The following FBXO8 variants were observed in gnomAD, a reference collection of about 807,000 sequenced individuals.
FBXO8 encodes F-box protein 8, also known as F-box only protein 8.
Under a neutral mutation model 33.4 loss-of-function variants are expected in FBXO8, and 15 were observed. That is an observed-to-expected ratio of 0.45 (90% confidence interval 0.30 to 0.69). The LOEUF (loss-of-function observed/expected upper bound fraction) is 0.69, where lower values mean the gene tolerates loss of function less well. Among genes scored for constraint, FBXO8 ranks in the 30% least tolerant of loss-of-function variants. The probability of loss-of-function intolerance (pLI) is 0.08; values close to 1 mark genes in which losing one functional copy is unlikely to be tolerated. For missense variants in FBXO8, 274 were observed against 380.3 expected (o/e 0.72, Z 2.32); for synonymous variants, 132 against 131.5 (o/e 1.00, Z -0.02).
chr4:174,242,759 A>G (rs548942993), intron 3 of FBXO8, among the ~76,000 whole-genome samples: 2 of 151,654 alleles, frequency 1.3e-5, no homozygotes, highest in East Asian at 3.9e-4. Flanking sequence ...TGCTTGTTCT[A>G]TCCTTTCCTC....
intron 4 of FBXO8, among the ~76,000 whole-genome samples, chr4:174,240,441 A>G (rs1418653824): frequency 6.6e-6 from 1 of 151,822 alleles, no homozygotes; most frequent in African/African-American, 2.4e-5. Context: ...GCCATACATT[A>G]CATTAGCACG....
At position 174,272,619 on chromosome 4, in the gene FBXO8, A is replaced by G. The variant is rs1736864167; in HGVS notation, c.-8-9519T>C. 6.6e-6 allele frequency among the ~76,000 whole-genome samples: 1 copy of G among 152,200 alleles called. No individual in the cohort carries two copies. Among genetic ancestry groups the G allele is most frequent in the South Asian group, 2.1e-4 (1 of 4,832 alleles). On this transcript the variant is annotated intron_variant, in intron 1 of 5. Coordinates refer to ENST00000393674, the MANE Select transcript of FBXO8 (RefSeq NM_012180.3). The surrounding 1 kb of genome is among the most constrained non-coding windows in gnomAD (Gnocchi z 4.7). ...TTTTTTAGAGTAGAATTCTAATTAA[A>G]GAAGATAGAAAGAATAATGTAGTTA...
At position 174,261,811 on chromosome 4, in the gene FBXO8, T is replaced by C. The variant is rs573898956; in HGVS notation, c.329+953A>G. ...TATTTTGACTAAAGTTTGTAATTTA[T>C]TAAGTCTCTCAATTAGATTTCTAGT... On this transcript the variant is annotated intron_variant, in intron 2 of 5. Transcript: ENST00000393674. This position sits in a 1 kb window ranked among gnomAD's most constrained non-coding sequence, Gnocchi z 4.1. Among the ~76,000 whole-genome samples, 1 of 152,210 alleles carries C rather than the reference T, an allele frequency of 6.6e-6. No individual in the cohort carries two copies. The highest frequency in any genetic ancestry group is 6.5e-5 in the Admixed American group (1 of 15,284).
intron 3 of FBXO8, among the ~76,000 whole-genome samples, chr4:174,246,150 C>T (rs1736152964): frequency 6.6e-6 from 1 of 151,792 alleles, no homozygotes; most frequent in Admixed American, 6.6e-5. Flanking sequence ...CAAGAGCCTT[C>T]GAGTTAAAGA....
rs977894780 is a variant in FBXO8 at position 174,278,803 on chromosome 4, TATTAA to T, written c.-9+4602_-9+4606del. On this transcript the variant is annotated intron_variant, in intron 1 of 5. Transcript: ENST00000393674. The surrounding 1 kb of genome is among the most constrained non-coding windows in gnomAD (Gnocchi z 4.1). Reference sequence around the variant, plus strand: ...TTGCTTTTATACAAATAAAACAAGGTATTAAATTAAATGAATATTGAAGGCAGCCA... The same window carrying T: ...TTGCTTTTATACAAATAAAACAAGGTATTAAATGAATATTGAAGGCAGCCA... Among the ~76,000 whole-genome samples, 1 of 152,056 alleles carries T rather than the reference TATTAA, an allele frequency of 6.6e-6. No individual in the cohort carries two copies. The highest frequency in any genetic ancestry group is 1.5e-5 in the Non-Finnish European group (1 of 67,940).
Position 174,263,670 on chromosome 4 carries a change from G to A in FBXO8, c.-8-570C>T, listed in dbSNP as rs1302408629. 1.3e-5 allele frequency among the ~76,000 whole-genome samples: 2 copies of A among 152,122 alleles called. No homozygotes were observed. The highest frequency in any genetic ancestry group is 4.8e-5 in the African/African-American group (2 of 41,438). The stretch of plus-strand genomic sequence containing the variant: ...CCCTGAAGTCTAATTCAGAAACCTT[G>A]TAAATTAGACACCTAGAACTCCATG... On this transcript the variant is annotated intron_variant, in intron 1 of 5. Coordinates refer to ENST00000393674, the MANE Select transcript of FBXO8 (RefSeq NM_012180.3). The surrounding 1 kb of genome is among the most constrained non-coding windows in gnomAD (Gnocchi z 4.2).
chr4:174,266,207 G>C (rs373499207), intron 1 of FBXO8, among the ~76,000 whole-genome samples: 6 of 151,996 alleles, frequency 3.9e-5, no homozygotes, highest in Admixed American at 1.3e-4. Flanking sequence ...GAAAGCATCC[G>C]GCAGGTAGAA....
Position 174,249,238 on chromosome 4 carries a change from T to C in FBXO8, c.457-8020A>G, listed in dbSNP as rs1579022055. The stretch of plus-strand genomic sequence containing the variant: ...AATGTAACAATCATTATTGTAATTA[T>C]TATCAAAAAAGTTGCTGCTAGTTGA... On this transcript the variant is annotated intron_variant, in intron 3 of 5. Transcript: ENST00000393674. Among the ~76,000 whole-genome samples the C allele has an allele frequency of 2.6e-5, 4 of 152,158 alleles. No individual in the cohort carries two copies. In the Middle Eastern group the frequency reaches 0.01, roughly 388 times the overall value.
At chr4:174,250,503 T>C (rs1736261309) in intron 3 of FBXO8, among the ~76,000 whole-genome samples, 1 of 152,124 alleles carries the variant, frequency 6.6e-6, no homozygotes, top group South Asian at 2.1e-4. Flanking sequence ...ATCACTTTGA[T>C]GCTATATTTA....
At chr4:174,239,583 C>G (rs750209885) in intron 4 of FBXO8, among the ~76,000 whole-genome samples, 2 of 151,812 alleles carry the variant, frequency 1.3e-5, no homozygotes, top group East Asian at 3.9e-4. Context: ...TATACCAATT[C>G]ACATCTTCAG....
In FBXO8 at chr4:174,275,155, T is replaced by G. The variant is rs1357679274; in HGVS notation, c.-9+8255A>C. 2.0e-5 allele frequency among the ~76,000 whole-genome samples: 3 copies of G among 152,154 alleles called. No individual in the cohort carries two copies. Among genetic ancestry groups the G allele is most frequent in the Non-Finnish European group, 4.4e-5 (3 of 68,018 alleles). ...GCAAAAGATATAAACACACGTTTCA[T>G]GAAAGAGGATATACAAATGGCAAAT... On this transcript the variant is annotated intron_variant, in intron 1 of 5. Transcript: ENST00000393674. The surrounding 1 kb of genome is among the most constrained non-coding windows in gnomAD (Gnocchi z 4.4).
chr4:174,237,633 T>C lies in FBXO8; in HGVS notation c.773-34A>G, dbSNP rs376670052. The C allele has an allele frequency of 1.9e-6, 3 of 1,546,970 alleles. No individual in the cohort carries two copies. The highest frequency in any genetic ancestry group is 2.6e-6 in the Non-Finnish European group (3 of 1,138,154). On this transcript the variant is annotated intron_variant, in intron 5 of 5. Coordinates refer to ENST00000393674, the MANE Select transcript of FBXO8 (RefSeq NM_012180.3). The surrounding 1 kb of genome is among the most constrained non-coding windows in gnomAD (Gnocchi z 4.4). The stretch of plus-strand genomic sequence containing the variant: ...AAAAAGAAACAGTTCAAATTATTAG[T>C]TGGTTTACAAAATATGATTCCAATG...
chr4:174,247,121 A>G lies in FBXO8; in HGVS notation c.457-5903T>C, dbSNP rs1363736734. Among the ~76,000 whole-genome samples, 1 of 152,078 alleles carries G rather than the reference A, an allele frequency of 6.6e-6. No individual in the cohort carries two copies. The highest frequency in any genetic ancestry group is 1.5e-5 in the Non-Finnish European group (1 of 67,972). On this transcript the variant is annotated intron_variant, in intron 3 of 5. Transcript: ENST00000393674. The surrounding 1 kb of genome is among the most constrained non-coding windows in gnomAD (Gnocchi z 4.6). ...TTGGGAACAGAGTGAATTCTAGAAA[A>G]TTAGACATGCAAAGCCAAATGAAAA...
chr4:174,238,886 T>C (rs927017911), intron 5 of FBXO8, 108 bp downstream of exon 5: 10 of 678,610 alleles, frequency 1.5e-5, no homozygotes, highest in Non-Finnish European at 2.1e-5. Context: ...CAAGTATTTG[T>C]AATTACTGAG....
intron 4 of FBXO8, among the ~76,000 whole-genome samples, 190 bp downstream of exon 4, chr4:174,240,910 T>C (rs1316045498): frequency 1.3e-5 from 2 of 151,668 alleles, no homozygotes; most frequent in African/African-American, 4.8e-5. Context: ...ACTTTTAAAA[T>C]GGTAACTTCC....
rs972974026 is a variant in FBXO8, at chr4:174,277,570, A to C, written c.-9+5840T>G. Among the ~76,000 whole-genome samples, 1 of 152,176 alleles carries C rather than the reference A, an allele frequency of 6.6e-6. No homozygotes were observed. Among genetic ancestry groups the C allele is most frequent in the Non-Finnish European group, 1.5e-5 (1 of 67,982 alleles). On this transcript the variant is annotated intron_variant, in intron 1 of 5. Coordinates refer to ENST00000393674, the MANE Select transcript of FBXO8 (RefSeq NM_012180.3). The surrounding 1 kb of genome is among the most constrained non-coding windows in gnomAD (Gnocchi z 4.9). ...AGGAGTCCGGATGTCTCAAAAAAGCATTCTGCTTTAAGTACTTTTGTTTGA... is the reference window on the plus strand; with the variant it reads ...AGGAGTCCGGATGTCTCAAAAAAGCCTTCTGCTTTAAGTACTTTTGTTTGA...
chr4:174,243,264 A>C (rs980000156), intron 3 of FBXO8, among the ~76,000 whole-genome samples: 1 of 151,434 alleles, frequency 6.6e-6, no homozygotes, highest in Non-Finnish European at 1.5e-5. Context: ...AGCACAAAGA[A>C]TTTTAAATTC....
rs1736506695 is a variant in FBXO8 at position 174,259,778 on chromosome 4, G to A, written c.377C>T (p.Pro126Leu). The A allele has an allele frequency of 6.2e-7, 1 of 1,611,666 alleles. No homozygotes were observed. Among genetic ancestry groups the A allele is most frequent in the Non-Finnish European group, 8.5e-7 (1 of 1,178,768 alleles). Reference sequence around the variant, plus strand: ...TTTTCTAAAAGAAAATCCTAAAGGTGGGTTCTTATTGTATATGGAACAGTG... The same window carrying A: ...TTTTCTAAAAGAAAATCCTAAAGGTAGGTTCTTATTGTATATGGAACAGTG... Reference protein sequence around the residue: ...WGHCSIYNKNPPLGFSFRKLY... With the variant: ...WGHCSIYNKNLPLGFSFRKLY... The change falls in exon 3 of 6, where the codon CCA (proline) becomes CTA (leucine). Residue 126 changes from proline (P) to leucine (L), a missense_variant. By Grantham distance (98) the Pro-to-Leu change is moderately conservative (BLOSUM62 -3). Coordinates refer to ENST00000393674, the MANE Select transcript of FBXO8 (RefSeq NM_012180.3). The surrounding 1 kb of genome is among the most constrained non-coding windows in gnomAD (Gnocchi z 4.3).
In FBXO8 at chr4:174,274,045, C is replaced by T. The variant is rs1313417480; in HGVS notation, c.-9+9365G>A. ...AACCCACAAACCATATTCCCAGAACCGCTGGAGCCCATGGATGACAAAAGC... is the reference window on the plus strand; with the variant it reads ...AACCCACAAACCATATTCCCAGAACTGCTGGAGCCCATGGATGACAAAAGC... On this transcript the variant is annotated intron_variant, in intron 1 of 5. Transcript: ENST00000393674. This position sits in a 1 kb window ranked among gnomAD's most constrained non-coding sequence, Gnocchi z 4.0. Among the ~76,000 whole-genome samples the T allele has an allele frequency of 1.3e-5, 2 of 152,144 alleles. No individual in the cohort carries two copies. The highest frequency in any genetic ancestry group is 4.8e-5 in the African/African-American group (2 of 41,436).
Sources: allele counts gnomAD v4.1 joint callset (sites outside exome capture counted in the v4.1 genomes callset), GRCh38; gene constraint gnomAD v4.1.1; non-coding constraint Gnocchi (gnomAD v3.1); transcripts MANE v1.5; gene names NCBI Gene and HGNC (gene_info 2026-07-23, HGNC 2026-07-21).